The following MAGI1 variants were observed in gnomAD, a reference collection of about 807,000 sequenced individuals.
MAGI1 encodes the protein membrane associated guanylate kinase, WW and PDZ domain containing 1.
A neutral mutation model predicts 139.9 loss-of-function variants in MAGI1; 58 were observed. That is an observed-to-expected ratio of 0.41 (90% CI 0.34 to 0.52). The LOEUF is 0.52. Among genes scored for constraint, MAGI1 ranks in the 20% least tolerant of loss-of-function variants. The pLI is 0.12. For synonymous variants in MAGI1, 812 were observed against 737.9 expected (o/e 1.10, Z -1.63); for missense variants, 1,874 against 1,901.6 (o/e 0.99, Z 0.27).
At position 65,586,542 on chromosome 3, in the gene MAGI1, T is replaced by C. The variant is rs577749589; in HGVS notation, c.430+35430A>G. 4.6e-5 allele frequency among the ~76,000 whole-genome samples: 7 copies of C among 152,278 alleles called. No individual in the cohort carries two copies. In the South Asian group the frequency reaches 1.2e-3, roughly 27 times the overall value. On this transcript the variant is annotated intron_variant, in intron 2 of 22. Coordinates refer to ENST00000402939, the MANE Select transcript of MAGI1 (RefSeq NM_001033057.2). ...CAAAAAGAGTAACTTTTGTTGCAAG[T>C]TAATTTTCAAAATGAATACAATTTG...
At chr3:65,674,048 G>A (rs147464563) in intron 1 of MAGI1, among the ~76,000 whole-genome samples, 93 of 152,234 alleles carry the variant, frequency 6.1e-4, no homozygotes, top group Non-Finnish European at 1.1e-3. Context: ...GGACCAGCCT[G>A]GGGAACACAG....
At chr3:65,739,204 A>G (rs190471552) in intron 1 of MAGI1, among the ~76,000 whole-genome samples, 1 of 152,268 alleles carries the variant, frequency 6.6e-6, no homozygotes. Context: ...TTGCACTTTT[A>G]TGTTATAAAA....
intron 2 of MAGI1, among the ~76,000 whole-genome samples, chr3:65,542,639 A>G (rs2079292492): frequency 6.6e-6 from 1 of 152,216 alleles, no homozygotes. Context: ...CCTGACAAAA[A>G]CACACAATGG....
intron 1 of MAGI1, among the ~76,000 whole-genome samples, chr3:65,666,067 A>T (rs2086498931): frequency 6.6e-6 from 1 of 152,140 alleles, no homozygotes; most frequent in Admixed American, 6.5e-5. Flanking sequence ...CTCCACCCAG[A>T]ACTCTAGCCA....
At chr3:65,638,779 A>T (rs1049662147) in intron 1 of MAGI1, among the ~76,000 whole-genome samples, 1 of 151,304 alleles carries the variant, frequency 6.6e-6, no homozygotes, top group African/African-American at 2.4e-5. Flanking sequence ...GCTAACTTTT[A>T]TATTTTTAGT....
intron 18 of MAGI1, 58 bp from the exon 19 acceptor site, chr3:65,365,004 C>A (rs920750914): frequency 1.4e-6 from 2 of 1,424,714 alleles, no homozygotes; most frequent in Non-Finnish European, 2.0e-6. Context: ...ATCCTCCAGC[C>A]AGGAGGTGTG....
chr3:65,707,215 G>C (rs1386281679), intron 1 of MAGI1, among the ~76,000 whole-genome samples: 2 of 152,294 alleles, frequency 1.3e-5, no homozygotes, highest in Non-Finnish European at 2.9e-5. Flanking sequence ...TCTAAAAAGT[G>C]AACCTGCCAT....
intron 1 of MAGI1, among the ~76,000 whole-genome samples, chr3:66,003,297 C>T (rs976308432): frequency 2.6e-5 from 4 of 152,124 alleles, no homozygotes; most frequent in Admixed American, 6.5e-5. Flanking sequence ...GGACACACCA[C>T]AGCAACTGCA....
At chr3:65,596,939 T>G (rs2082234164) in intron 2 of MAGI1, among the ~76,000 whole-genome samples, 1 of 152,168 alleles carries the variant, frequency 6.6e-6, no homozygotes, top group Admixed American at 6.5e-5. Flanking sequence ...ACATTCTTCC[T>G]TTTAGAAATA....
rs147555696 is a variant in MAGI1, at chr3:65,737,859, G to T, written c.314-115771C>A. Among the ~76,000 whole-genome samples the T allele has an allele frequency of 2.0e-3, 298 of 151,970 alleles. 2 individuals carry two copies. The highest frequency in any genetic ancestry group is 0.017 in the Middle Eastern group (5 of 294). On this transcript the variant is annotated intron_variant, in intron 1 of 22. Transcript: ENST00000402939. The stretch of plus-strand genomic sequence containing the variant: ...CTGAAGTTTCACTTAACCAATTACC[G>T]AAAACAACACACACACACCTCTCTC...
rs190664553 is a variant in MAGI1, at chr3:65,627,332, T to C, written c.314-5244A>G. Among the ~76,000 whole-genome samples, 123 of 152,176 alleles carry C rather than the reference T, an allele frequency of 8.1e-4. 1 individual carries two copies. Among genetic ancestry groups the C allele is most frequent in the Admixed American group, 8.0e-3 (122 of 15,270 alleles). On this transcript the variant is annotated intron_variant, in intron 1 of 22. Transcript: ENST00000402939. ...TCACCTAAGGCCACATTTCTTAGAA[T>C]GTATTCCAGTCATTATGCAACAACC...
At chr3:65,458,631 T>C (rs568936635) in intron 5 of MAGI1, among the ~76,000 whole-genome samples, 88 of 152,150 alleles carry the variant, frequency 5.8e-4, no homozygotes, top group Non-Finnish European at 1.1e-3. Context: ...TCCACTCAGA[T>C]CTTTCCCCCA....
intron 1 of MAGI1, among the ~76,000 whole-genome samples, chr3:65,666,745 G>A (rs2086556168): frequency 2.0e-5 from 3 of 152,094 alleles, no homozygotes; most frequent in Admixed American, 2.0e-4. Flanking sequence ...CCCCCTCATG[G>A]CCATCTCCAC....
At chr3:65,720,771 A>C (rs2032918224) in intron 1 of MAGI1, among the ~76,000 whole-genome samples, 1 of 151,850 alleles carries the variant, frequency 6.6e-6, no homozygotes, top group Non-Finnish European at 1.5e-5. Context: ...TGTTTTAGAG[A>C]CCGGGTCTCC....
At chr3:65,473,326 C>T (rs753471982) in intron 4 of MAGI1, among the ~76,000 whole-genome samples, 6 of 152,022 alleles carry the variant, frequency 3.9e-5, no homozygotes, top group Non-Finnish European at 5.9e-5. Flanking sequence ...ACATATTTCT[C>T]GATCTGTAAA....
At chr3:65,425,135 A>AAAAAAC (rs1559543279) in intron 12 of MAGI1, among the ~76,000 whole-genome samples, 93 of 87,688 alleles carry the variant, frequency 1.1e-3, no homozygotes, top group Non-Finnish European at 1.5e-3. Flanking sequence ...AAAAAAAACA[A>AAAAAAC]AAAAAAACAC....
At chr3:65,994,952 G>C (rs1576396698) in intron 1 of MAGI1, among the ~76,000 whole-genome samples, 1 of 152,322 alleles carries the variant, frequency 6.6e-6, no homozygotes, top group East Asian at 1.9e-4. Context: ...TTGCAGAGAG[G>C]AAATTAACTC....
chr3:65,941,060 C>T (rs9845308), intron 1 of MAGI1, among the ~76,000 whole-genome samples: 69,241 of 151,960 alleles, frequency 0.46, 16,404 homozygotes, highest in East Asian at 0.76. Flanking sequence ...AATTATATTG[C>T]CCCTGCCGGG....
intron 1 of MAGI1, among the ~76,000 whole-genome samples, chr3:65,926,366 T>TCTCTCTCTCTCC (rs1553731255): frequency 6.7e-6 from 1 of 149,990 alleles, no homozygotes; most frequent in Non-Finnish European, 1.5e-5. Context: ...TCTCTCTCTC[T>TCTCTCTCTCTCC]CTCCCTCTTT....
Sources: allele counts gnomAD v4.1 joint callset (sites outside exome capture counted in the v4.1 genomes callset), GRCh38; gene constraint gnomAD v4.1.1; transcripts MANE v1.5; gene names NCBI Gene and HGNC (gene_info 2026-07-23, HGNC 2026-07-21).